Variants in MGAT5 observed in about 807,000 individuals in gnomAD.
MGAT5 encodes the protein alpha-1,6-mannosylglycoprotein 6-beta-N-acetylglucosaminyltransferase A.
MGAT5 carries 30 observed loss-of-function variants against 94.3 expected under a neutral mutation model. The ratio of observed to expected loss-of-function variants is 0.32; its 90% CI spans 0.24 to 0.43. The LOEUF is 0.43. MGAT5 is among the 20% of genes least tolerant of loss of function. The probability of loss-of-function intolerance (pLI) is 1.00; values close to 1 mark genes in which losing one functional copy is unlikely to be tolerated. For synonymous variants in MGAT5, 310 were observed against 322.9 expected, an observed-to-expected ratio of 0.96 and a Z score of 0.43; for missense variants, 691 against 905.5, an observed-to-expected ratio of 0.76 and a Z score of 3.04.
In MGAT5 at chr2:134,246,167, TA is replaced by T. The variant is rs11378452; in HGVS notation, c.-142-8075del. 3.5e-3 allele frequency among the ~76,000 whole-genome samples: 457 copies of T among 130,492 alleles called. 1 individual carries two copies. The highest frequency in any genetic ancestry group is 0.011 in the African/African-American group (383 of 35,624). The allele number at this position is 130,492 out of a possible 152,430, so 85.6% of individuals were successfully genotyped here. A position where few individuals can be genotyped will look rare whatever the true frequency, so the allele number is the denominator to read the frequency against. On this transcript the variant is annotated intron_variant, in intron 1 of 16. Transcript: ENST00000409645. Reference sequence around the variant, plus strand: ...ATTTAGAATGTGTTTTTCCTGTTTATAAAAAAAAAAAAAAAAAAAAGGACCC... The same window carrying T: ...ATTTAGAATGTGTTTTTCCTGTTTATAAAAAAAAAAAAAAAAAAAGGACCC...
chr2:134,164,367 T>C (rs746040104), intron 1 of MGAT5, among the ~76,000 whole-genome samples: 2 of 152,208 alleles, frequency 1.3e-5, no homozygotes, highest in African/African-American at 2.4e-5. Flanking sequence ...TTTCCTAGCA[T>C]TGTCCTCTTT....
chr2:134,292,499 A>T (rs1470801811), intron 2 of MGAT5, among the ~76,000 whole-genome samples: 2 of 152,170 alleles, frequency 1.3e-5, no homozygotes, highest in Non-Finnish European at 2.9e-5. Flanking sequence ...TCTGCTGCTA[A>T]CGGAAGGTTT....
chr2:134,368,319 G>A (rs1449072390), intron 10 of MGAT5, among the ~76,000 whole-genome samples: 1 of 152,238 alleles, frequency 6.6e-6, no homozygotes, highest in Non-Finnish European at 1.5e-5. Context: ...CTTGCAGCCA[G>A]TTCTGTAGAG....
intron 1 of MGAT5, among the ~76,000 whole-genome samples, chr2:134,222,489 T>C (rs1414746386): frequency 6.6e-6 from 1 of 152,284 alleles, no homozygotes; most frequent in Non-Finnish European, 1.5e-5. Flanking sequence ...TTTAATAAAT[T>C]TAATTTCTTT....
chr2:134,195,844 G>A (rs1162867685), intron 1 of MGAT5, among the ~76,000 whole-genome samples: 2 of 152,172 alleles, frequency 1.3e-5, no homozygotes, highest in South Asian at 2.1e-4. Context: ...TTAAGAAATG[G>A]ACTTTATTCT....
chr2:134,246,379 G>C (rs1682262675), intron 1 of MGAT5, among the ~76,000 whole-genome samples: 1 of 152,090 alleles, frequency 6.6e-6, no homozygotes, highest in African/African-American at 2.4e-5. Context: ...TGGGCCATCT[G>C]GGGGAGTGAA....
In MGAT5 at chr2:134,270,479, C is replaced by T; in HGVS notation, c.335C>T (p.Thr112Ile). Residue 112 changes from threonine to isoleucine, a missense_variant, in exon 2 of 16, where the codon ACC (threonine) becomes ATC (isoleucine). Thr to Ile is a moderately conservative substitution (Grantham distance 89, BLOSUM62 -1). Around this residue, in one of 4 missense-constraint regions of MGAT5, gnomAD observed 307 missense variants for 335.4 expected, o/e 0.92. Transcript: ENST00000281923. ...GTGGACAATCTTGTTGTCAATGGCACCGGAACAAACTCAACCAACTCCACT... is the reference window on the plus strand; with the variant it reads ...GTGGACAATCTTGTTGTCAATGGCATCGGAACAAACTCAACCAACTCCACT... The part of the protein sequence containing the change: ...SKVDNLVVNG[T>I]GTNSTNSTTA... The T allele has an allele frequency of 6.2e-7, 1 of 1,614,208 alleles. No homozygotes were observed. Among genetic ancestry groups the T allele is most frequent in the Non-Finnish European group, 8.5e-7 (1 of 1,180,026 alleles).
intron 9 of MGAT5, among the ~76,000 whole-genome samples, chr2:134,358,625 G>T (rs1489890738): frequency 6.6e-6 from 1 of 152,190 alleles, no homozygotes; most frequent in Non-Finnish European, 1.5e-5. Flanking sequence ...GTGACCAGGA[G>T]ATGTGAAGAT....
At chr2:134,336,155 T>G in intron 4 of MGAT5, 62 bp from the exon 5 acceptor site, 2 of 1,371,868 alleles carry the variant, frequency 1.5e-6, no homozygotes, top group Non-Finnish European at 2.1e-6. Context: ...TCTCGGTGCT[T>G]TTTATGTATA....
chr2:134,439,387 G>A (rs1348397789), intron 14 of MGAT5, among the ~76,000 whole-genome samples: 1 of 152,158 alleles, frequency 6.6e-6, no homozygotes, highest in Non-Finnish European at 1.5e-5. Context: ...CCTTCTTACT[G>A]TCTTTTGGCT....
rs536802776 is a variant in MGAT5 at position 134,418,704 on chromosome 2, G to A, written c.1678-4099G>A. ...GTGGAGGATGTGCAGGGTTAGCTGC[G>A]AAGGGGATAGTGGAGGAGCTGTGCT... On this transcript the variant is annotated intron_variant, in intron 12 of 15. Coordinates refer to ENST00000281923, the MANE Select transcript of MGAT5 (RefSeq NM_002410.5). Among the ~76,000 whole-genome samples, 6 of 152,364 alleles carry A rather than the reference G, an allele frequency of 3.9e-5. No homozygotes were observed. The South Asian group carries it at 1.0e-3, about 26-fold the overall frequency.
intron 2 of MGAT5, among the ~76,000 whole-genome samples, chr2:134,289,738 A>G (rs1685232730): frequency 6.6e-6 from 1 of 152,210 alleles, no homozygotes; most frequent in Non-Finnish European, 1.5e-5. Flanking sequence ...TGTTAGGTAC[A>G]GTGACCAACA....
At chr2:134,305,856 T>C (rs1686297020) in intron 2 of MGAT5, among the ~76,000 whole-genome samples, 1 of 152,202 alleles carries the variant, frequency 6.6e-6, no homozygotes, top group Non-Finnish European at 1.5e-5. Flanking sequence ...AGAATCGTTA[T>C]AAATATCACC....
intron 1 of MGAT5, among the ~76,000 whole-genome samples, chr2:134,197,455 G>A (rs1679552845): frequency 6.6e-6 from 1 of 152,026 alleles, no homozygotes; most frequent in African/African-American, 2.4e-5. Context: ...ATTTTCAGGT[G>A]GATCTAGCAC....
At chr2:134,408,154 G>A (rs914219706) in intron 11 of MGAT5, among the ~76,000 whole-genome samples, 4 of 152,180 alleles carry the variant, frequency 2.6e-5, no homozygotes, top group Admixed American at 2.6e-4. Context: ...GGCGGCTGAG[G>A]GGTTGTCCTG....
intron 1 of MGAT5, among the ~76,000 whole-genome samples, chr2:134,245,890 G>A (rs1476557515): frequency 6.6e-6 from 1 of 152,066 alleles, no homozygotes; most frequent in Non-Finnish European, 1.5e-5. Context: ...ACTTCAGGTG[G>A]GTGGCATTGG....
rs1342899394 is a variant in MGAT5, at chr2:134,451,156, T to A, written c.*2309T>A. 2.6e-5 allele frequency: 4 copies of A among 152,194 alleles called. No individual in the cohort carries two copies. Among genetic ancestry groups the A allele is most frequent in the Non-Finnish European group, 4.4e-5 (3 of 68,026 alleles). The allele number at this position is 152,194 out of a possible 1,614,324, so 9.4% of individuals were successfully genotyped here. On this transcript the variant is annotated 3_prime_UTR_variant, in exon 16 of 16. Transcript: ENST00000281923. ...GCTGAAAGGTAACCTTAGCCCTGCCTTGTGTTCCAAAAGCTGCAAGGATCA... is the reference window on the plus strand; with the variant it reads ...GCTGAAAGGTAACCTTAGCCCTGCCATGTGTTCCAAAAGCTGCAAGGATCA...
chr2:134,251,829 A>G (rs1381775755), upstream of MGAT5, among the ~76,000 whole-genome samples: 6 of 152,166 alleles, frequency 3.9e-5, no homozygotes. Flanking sequence ...CTTGCTGTGC[A>G]ATAGAACACC....
At chr2:134,379,132 C>G (rs1168907053) in intron 10 of MGAT5, among the ~76,000 whole-genome samples, 1 of 152,142 alleles carries the variant, frequency 6.6e-6, no homozygotes, top group Admixed American at 6.5e-5. Context: ...TCTTCCCCAC[C>G]TTTTGCTTGT....
Sources: gnomAD v4.1 joint callset for allele counts (sites outside exome capture counted in the v4.1 genomes callset) on GRCh38, gnomAD v4.1.1 for gene constraint, gnomAD v4.1.1 regional missense constraint, MANE v1.5 for transcripts, NCBI Gene and HGNC (gene_info 2026-07-23, HGNC 2026-07-21) for gene names.